KCNB2: variants seen among roughly 807,000 people sequenced by gnomAD.
KCNB2 encodes potassium voltage-gated channel subfamily B member 2, also known as delayed rectifier potassium channel protein.
KCNB2 carries 15 observed loss-of-function variants against 61.5 expected under a neutral mutation model. The ratio of observed to expected loss-of-function variants is 0.24; its 90% CI spans 0.16 to 0.38. KCNB2 has a LOEUF of 0.38. Among genes scored for constraint, KCNB2 ranks in the 10% least tolerant of loss-of-function variants. The pLI, the probability that KCNB2 is intolerant of heterozygous loss-of-function variation, is 1.00. For missense variants in KCNB2, 828 were observed against 1,125.2 expected, an observed-to-expected ratio of 0.74 and a Z score of 3.78; for synonymous variants, 457 against 446.0, an observed-to-expected ratio of 1.02 and a Z score of -0.31.
intron 2 of KCNB2, among the ~76,000 whole-genome samples, chr8:72,781,206 G>A (rs1237899369): frequency 6.6e-6 from 1 of 152,102 alleles, no homozygotes; most frequent in East Asian, 1.9e-4. Flanking sequence ...CTGTGCAGGA[G>A]CTCTTTAGTT....
intron 2 of KCNB2, among the ~76,000 whole-genome samples, chr8:72,858,120 C>T (rs1810235917): frequency 6.6e-6 from 1 of 152,134 alleles, no homozygotes; most frequent in Non-Finnish European, 1.5e-5. Context: ...TTTCTAGTTT[C>T]ATTACCTTTC....
chr8:72,677,605 T>A (rs778403533), intron 2 of KCNB2, among the ~76,000 whole-genome samples: 8 of 152,160 alleles, frequency 5.3e-5, no homozygotes, highest in Admixed American at 3.3e-4. Context: ...CGCTGCCAAA[T>A]CTAGGGCGCA....
chr8:72,868,145 C>A (rs1805561801), intron 2 of KCNB2, among the ~76,000 whole-genome samples: 1 of 150,290 alleles, frequency 6.7e-6, no homozygotes, highest in Non-Finnish European at 1.5e-5. Flanking sequence ...AATCATAGCT[C>A]ACTGTAGCCT....
At chr8:72,652,872 T>C (rs1806234026) in intron 2 of KCNB2, among the ~76,000 whole-genome samples, 1 of 152,138 alleles carries the variant, frequency 6.6e-6, no homozygotes, top group Non-Finnish European at 1.5e-5. Flanking sequence ...AGGAATTTAT[T>C]CTCCAACAGT....
At chr8:72,613,155 C>T (rs1405124328) in intron 2 of KCNB2, among the ~76,000 whole-genome samples, 1 of 151,978 alleles carries the variant, frequency 6.6e-6, no homozygotes, top group Admixed American at 6.6e-5. Context: ...ACACTATGGC[C>T]AGAGAGAGTA....
intron 2 of KCNB2, among the ~76,000 whole-genome samples, chr8:72,766,395 C>T (rs560768286): frequency 3.9e-5 from 6 of 152,302 alleles, no homozygotes; most frequent in African/African-American, 1.4e-4. Context: ...AATTTGTGGT[C>T]CACCAGATGT....
At chr8:72,561,041 G>A (rs1585751667) in intron 1 of KCNB2, among the ~76,000 whole-genome samples, 1 of 151,956 alleles carries the variant, frequency 6.6e-6, no homozygotes, top group African/African-American at 2.4e-5. Context: ...TTTATTACTT[G>A]TCTTGTCCCC....
chr8:72,937,998 A>C lies in KCNB2; in HGVS notation c.2643A>C (p.Glu881Asp). Residue 881 changes from glutamate (E) to aspartate (D), a missense_variant, in exon 3 of 3, where the codon GAA (glutamate) becomes GAC (aspartate). By Grantham distance (45) the Glu-to-Asp change is conservative. Transcript: ENST00000523207. Reference sequence around the variant, plus strand: ...AAGTCAAAAAGGACAGTAGTCAAGAAGGGTGCAAGATGGAAAATCACTTGT... The same window carrying C: ...AAGTCAAAAAGGACAGTAGTCAAGACGGGTGCAAGATGGAAAATCACTTGT... Reference protein sequence around the residue: ...VSEVKKDSSQEGCKMENHLFA... With the variant: ...VSEVKKDSSQDGCKMENHLFA... The C allele has an allele frequency of 2.5e-6, 4 of 1,614,186 alleles. No individual in the cohort carries two copies. Among genetic ancestry groups the C allele is most frequent in the Non-Finnish European group, 3.4e-6 (4 of 1,180,014 alleles).
chr8:72,855,588 C>T (rs766793018), intron 2 of KCNB2, among the ~76,000 whole-genome samples: 2 of 152,072 alleles, frequency 1.3e-5, no homozygotes, highest in Non-Finnish European at 2.9e-5. Flanking sequence ...AATTATGTGT[C>T]GATCAATAGC....
intron 2 of KCNB2, among the ~76,000 whole-genome samples, chr8:72,902,387 T>G (rs1343238369): frequency 6.6e-6 from 1 of 151,916 alleles, no homozygotes; most frequent in Non-Finnish European, 1.5e-5. Flanking sequence ...AGTTTTAGAG[T>G]TTGAGATTTC....
chr8:72,639,287 G>A (rs1806015482), intron 2 of KCNB2, among the ~76,000 whole-genome samples: 1 of 152,080 alleles, frequency 6.6e-6, no homozygotes, highest in Non-Finnish European at 1.5e-5. Flanking sequence ...CACAGCAAAA[G>A]CACAGAAATA....
intron 2 of KCNB2, among the ~76,000 whole-genome samples, chr8:72,849,853 C>T (rs1585930441): frequency 6.6e-6 from 1 of 152,270 alleles, no homozygotes; most frequent in Admixed American, 6.5e-5. Flanking sequence ...AAGACTTTGA[C>T]TCCAAAACCT....
chr8:72,688,813 G>A (rs546246333), intron 2 of KCNB2, among the ~76,000 whole-genome samples: 8 of 152,080 alleles, frequency 5.3e-5, no homozygotes, highest in South Asian at 2.1e-4. Context: ...TGCAACCTCC[G>A]CCTCCCAGGC....
At chr8:72,909,602 C>T (rs769291437) in intron 2 of KCNB2, among the ~76,000 whole-genome samples, 4 of 151,814 alleles carry the variant, frequency 2.6e-5, no homozygotes, top group Non-Finnish European at 5.9e-5. Flanking sequence ...TGGATGTACT[C>T]GAGGAGCAAG....
At chr8:72,573,832 A>T (rs1806754923) in intron 2 of KCNB2, among the ~76,000 whole-genome samples, 1 of 152,038 alleles carries the variant, frequency 6.6e-6, no homozygotes, top group Non-Finnish European at 1.5e-5. Flanking sequence ...CAGTACTCTC[A>T]TTCTTATCTG....
chr8:72,539,382 G>C (rs774569031), intron 1 of KCNB2, among the ~76,000 whole-genome samples: 1 of 152,210 alleles, frequency 6.6e-6, no homozygotes, highest in East Asian at 1.9e-4. Flanking sequence ...ACCTAGAAGA[G>C]TTAATATGCT....
In KCNB2 at chr8:72,856,541, T is replaced by A. The variant is rs73686547; in HGVS notation, c.580-79394T>A. On this transcript the variant is annotated intron_variant, in intron 2 of 2. Coordinates refer to ENST00000523207, the MANE Select transcript of KCNB2 (RefSeq NM_004770.3). Reference sequence around the variant, plus strand: ...TGATAATTTAGACGCTTATGTAATCTGATTTGGTTTTCTATGTTGATGGGA... The same window carrying A: ...TGATAATTTAGACGCTTATGTAATCAGATTTGGTTTTCTATGTTGATGGGA... Among the ~76,000 whole-genome samples, 285 of 152,360 alleles carry A rather than the reference T, an allele frequency of 1.9e-3. 3 individuals carry two copies. The highest frequency in any genetic ancestry group is 6.7e-3 in the African/African-American group (277 of 41,592).
chr8:72,652,997 C>T (rs2128986563), intron 2 of KCNB2, among the ~76,000 whole-genome samples: 1 of 152,196 alleles, frequency 6.6e-6, no homozygotes, highest in Non-Finnish European at 1.5e-5. Flanking sequence ...GCCAGCAATC[C>T]TTGGTGTTCC....
chr8:72,788,819 A>G (rs1025828453), intron 2 of KCNB2, among the ~76,000 whole-genome samples: 1 of 152,180 alleles, frequency 6.6e-6, no homozygotes, highest in Non-Finnish European at 1.5e-5. Flanking sequence ...TGAGCCCATC[A>G]TCTACTTGCT....
Sources: allele counts gnomAD v4.1 joint callset (sites outside exome capture counted in the v4.1 genomes callset), GRCh38; gene constraint gnomAD v4.1.1; transcripts MANE v1.5; gene names NCBI Gene and HGNC (gene_info 2026-07-23, HGNC 2026-07-21).